The following GBF1 variants were observed in gnomAD, a reference collection of about 807,000 sequenced individuals.
GBF1 encodes the protein Golgi-specific brefeldin A-resistance guanine nucleotide exchange factor 1.
A neutral mutation model predicts 210.5 loss-of-function variants in GBF1; 114 were observed. That is an observed-to-expected ratio of 0.54 (90% CI 0.47 to 0.63). GBF1 has a LOEUF of 0.63. Ranked by LOEUF, GBF1 falls within the 30% of genes least tolerant of loss-of-function variation. The pLI, the probability that GBF1 is intolerant of heterozygous loss-of-function variation, is 0.00. For synonymous variants in GBF1, 850 were observed against 889.2 expected (o/e 0.96, Z 0.78); for missense variants, 1,851 against 2,357.7 (o/e 0.79, Z 4.45).
intron 3 of GBF1, among the ~76,000 whole-genome samples, chr10:102,295,650 ATTTGGGCGTTTGTT>A (rs2076850106): frequency 6.6e-6 from 1 of 152,170 alleles, no homozygotes; most frequent in South Asian, 2.1e-4. Flanking sequence ...GGTTTGGGAT[ATTTGGGCGTTTGTT>A]AGTCTGTTTA....
intron 1 of GBF1, among the ~76,000 whole-genome samples, chr10:102,249,575 G>GT (rs1346214527): frequency 6.6e-6 from 1 of 152,076 alleles, no homozygotes; most frequent in Non-Finnish European, 1.5e-5. Context: ...CTTGAGCTCA[G>GT]TAAGTTGTTT....
chr10:102,363,676 A>G lies in GBF1; in HGVS notation c.2018-34A>G. On this transcript the variant is annotated intron_variant, in intron 16 of 39. Transcript: ENST00000369983. This position sits in a 1 kb window ranked among gnomAD's most constrained non-coding sequence, Gnocchi z 4.2. ...CCTTATCTGGGTAAAAAAAGGTGTTACAGATATTTCCCCCCTCTTCTTCCT... is the reference window on the plus strand; with the variant it reads ...CCTTATCTGGGTAAAAAAAGGTGTTGCAGATATTTCCCCCCTCTTCTTCCT... 1 of 1,381,610 alleles carries G rather than the reference A, an allele frequency of 7.2e-7. No individual in the cohort carries two copies. Among genetic ancestry groups the G allele is most frequent in the Non-Finnish European group, 1.0e-6 (1 of 968,422 alleles). The allele number at this position is 1,381,610 out of a possible 1,614,324, so 85.6% of individuals were successfully genotyped here.
rs564686759 is a variant in GBF1 at position 102,324,301 on chromosome 10, G to A, written c.164-19750G>A. Among the ~76,000 whole-genome samples, 8 of 152,276 alleles carry A rather than the reference G, an allele frequency of 5.3e-5. No homozygotes were observed. The South Asian group carries it at 1.7e-3, about 32-fold the overall frequency. ...GGTGTGAAATTTAGTCAGAGCCACA[G>A]CATGTGTTTCAGTTTTCCAGGGAAT... On this transcript the variant is annotated intron_variant, in intron 3 of 39. Transcript: ENST00000369983.
intron 3 of GBF1, among the ~76,000 whole-genome samples, chr10:102,282,745 A>G (rs1408459026): frequency 2.0e-5 from 3 of 152,158 alleles, no homozygotes; most frequent in African/African-American, 7.2e-5. Flanking sequence ...CACTAACCCA[A>G]CTAGCCTATT....
In GBF1 at chr10:102,363,319, T is replaced by A; in HGVS notation, c.1940T>A (p.Leu647Gln). ...GCCTCAGACATCCCAGGCCTGCATC[T>A]GCCAGGTGGAGGGCGGCTGCCACCA... ...GMASDIPGLHLPGGGRLPPEH... is the reference protein window; with the variant it reads ...GMASDIPGLHQPGGGRLPPEH... Residue 647 changes from leucine to glutamine, a missense_variant, in exon 16 of 40, where the codon CTG becomes CAG. Leu to Gln is a moderately radical substitution (Grantham distance 113, BLOSUM62 -2). Coordinates refer to ENST00000369983, the MANE Select transcript of GBF1 (RefSeq NM_001377137.1). The surrounding 1 kb of genome is among the most constrained non-coding windows in gnomAD (Gnocchi z 4.2). The A allele has an allele frequency of 6.2e-7, 1 of 1,613,954 alleles. No homozygotes were observed. Among genetic ancestry groups the A allele is most frequent in the African/African-American group, 1.3e-5 (1 of 75,030 alleles).
intron 3 of GBF1, among the ~76,000 whole-genome samples, chr10:102,291,611 ATT>A (rs1309218421): frequency 6.6e-6 from 1 of 152,132 alleles, no homozygotes; most frequent in Non-Finnish European, 1.5e-5. Context: ...TTGTTTTCTC[ATT>A]TCTGTTAGAC....
intron 3 of GBF1, among the ~76,000 whole-genome samples, chr10:102,340,267 CTT>C (rs1158590447): frequency 3.6e-5 from 3 of 83,526 alleles, no homozygotes; most frequent in African/African-American, 1.0e-4. Flanking sequence ...TGGTCCATGC[CTT>C]TTTTTTTTTT....
At position 102,363,646 on chromosome 10, in the gene GBF1, A is replaced by G. The variant is rs1319171918; in HGVS notation, c.2018-64A>G. ...TGGGGAGTATATTGGTGACCTTCCA[A>G]AAGTCCTTATCTGGGTAAAAAAAGG... On this transcript the variant is annotated intron_variant, in intron 16 of 39. Transcript: ENST00000369983. This position sits in a 1 kb window ranked among gnomAD's most constrained non-coding sequence, Gnocchi z 4.2. 3 of 1,114,362 alleles carry G rather than the reference A, an allele frequency of 2.7e-6. No individual in the cohort carries two copies. The highest frequency in any genetic ancestry group is 4.1e-6 in the Non-Finnish European group (3 of 728,252). The allele number at this position is 1,114,362 out of a possible 1,614,324, so 69.0% of individuals were successfully genotyped here.
At chr10:102,374,262 A>T (rs564434395) in intron 29 of GBF1, among the ~76,000 whole-genome samples, 15 of 152,208 alleles carry the variant, frequency 9.9e-5, no homozygotes, top group East Asian at 7.7e-4. Flanking sequence ...AGGCAGGAGA[A>T]TCACTTGAAC....
intron 8 of GBF1, among the ~76,000 whole-genome samples, chr10:102,355,761 CA>C (rs2059256306): frequency 6.6e-6 from 1 of 152,204 alleles, no homozygotes. Flanking sequence ...AAGGCTACCT[CA>C]TAAAAGTAGA....
At chr10:102,245,452 AC>A (rs2133832563), upstream of GBF1, 1 of 152,208 alleles carries the variant, frequency 6.6e-6, no homozygotes, top group South Asian at 2.1e-4. Flanking sequence ...TCGGAATGCT[AC>A]TTTTCACGGT....
At chr10:102,298,737 A>C (rs992792203) in intron 3 of GBF1, among the ~76,000 whole-genome samples, 1 of 152,170 alleles carries the variant, frequency 6.6e-6, no homozygotes, top group African/African-American at 2.4e-5. Context: ...AAAGTGAAGA[A>C]CTTGTGTAAG....
intron 3 of GBF1, among the ~76,000 whole-genome samples, chr10:102,270,931 G>T (rs1374874035): frequency 6.6e-6 from 1 of 152,082 alleles, no homozygotes; most frequent in African/African-American, 2.4e-5. Flanking sequence ...TACGATCATA[G>T]CTCCCAGCAG....
Position 102,353,585 on chromosome 10 carries a change from T to C in GBF1, c.585-15T>C. The C allele has an allele frequency of 1.3e-6, 2 of 1,576,024 alleles. No homozygotes were observed. The highest frequency in any genetic ancestry group is 8.7e-7 in the Non-Finnish European group (1 of 1,145,326). ...ATTATCCCTAATGACAGTTGATGGA[T>C]TTTCTATCTTATAGGTTACCTCAGT... On this transcript the variant is annotated splice_polypyrimidine_tract_variant and intron_variant, in intron 7 of 39. Coordinates refer to ENST00000369983, the MANE Select transcript of GBF1 (RefSeq NM_001377137.1).
At chr10:102,358,386 G>A in intron 9 of GBF1, 120 bp from the exon 10 acceptor site, 1 of 808,926 alleles carries the variant, frequency 1.2e-6, no homozygotes, top group Non-Finnish European at 2.0e-6. Context: ...CAACTTTAGA[G>A]ACCAATATAT....
intron 1 of GBF1, among the ~76,000 whole-genome samples, chr10:102,258,031 C>G (rs961197239): frequency 2.6e-5 from 4 of 152,036 alleles, no homozygotes; most frequent in Admixed American, 2.6e-4. Context: ...GAAAAATGTT[C>G]TGGATTGACT....
At chr10:102,264,866 G>A (rs1224099357) in intron 3 of GBF1, among the ~76,000 whole-genome samples, 1 of 152,238 alleles carries the variant, frequency 6.6e-6, no homozygotes, top group African/African-American at 2.4e-5. Context: ...GGGTGTCCTG[G>A]CCTTAGGGGC....
chr10:102,287,167 T>C (rs945586005), intron 3 of GBF1, among the ~76,000 whole-genome samples: 1 of 152,090 alleles, frequency 6.6e-6, no homozygotes, highest in African/African-American at 2.4e-5. Context: ...CATTTCCCCA[T>C]CAAACTTGCT....
intron 3 of GBF1, among the ~76,000 whole-genome samples, chr10:102,284,421 T>G (rs2075770521): frequency 6.6e-6 from 1 of 152,182 alleles, no homozygotes; most frequent in African/African-American, 2.4e-5. Flanking sequence ...CTCCACACTT[T>G]CCCTTCCCCT....
Sources: allele counts gnomAD v4.1 joint callset (sites outside exome capture counted in the v4.1 genomes callset), GRCh38; gene constraint gnomAD v4.1.1; non-coding constraint Gnocchi (gnomAD v3.1); transcripts MANE v1.5; gene names NCBI Gene and HGNC (gene_info 2026-07-23, HGNC 2026-07-21).